The following MAGI2 variants were observed in gnomAD, a reference collection of about 807,000 sequenced individuals.
MAGI2 encodes membrane-associated guanylate kinase, WW and PDZ domain-containing protein 2.
Under a neutral mutation model 133.3 loss-of-function variants are expected in MAGI2, and 35 were observed. That is an observed-to-expected ratio of 0.26 (90% CI 0.20 to 0.35). The LOEUF is 0.35. Ranked by LOEUF, MAGI2 falls within the 10% of genes least tolerant of loss-of-function variation. The probability of loss-of-function intolerance (pLI) is 1.00; values close to 1 mark genes in which losing one functional copy is unlikely to be tolerated. For synonymous variants in MAGI2, 729 were observed against 710.6 expected (o/e 1.03, Z -0.41); for missense variants, 1,636 against 1,863.4 (o/e 0.88, Z 2.25).
intron 1 of MAGI2, among the ~76,000 whole-genome samples, chr7:79,349,944 A>G (rs1841582948): frequency 6.6e-6 from 1 of 152,092 alleles, no homozygotes; most frequent in Non-Finnish European, 1.5e-5. Context: ...TAAACTAAAG[A>G]TGCACAGTCT....
Position 78,060,244 on chromosome 7 carries a change from AC to A in MAGI2, c.3706+18702del, listed in dbSNP as rs546547396. On this transcript the variant is annotated intron_variant, in intron 21 of 21. Transcript: ENST00000354212. ...GGAAATTATTTAAAAAACAAAAGGG[AC>A]CCCCCCCCCTCTTTAGATTAGATTG... is the stretch of plus-strand genomic sequence containing the variant. 5.4e-3 allele frequency among the ~76,000 whole-genome samples: 546 copies of A among 101,766 alleles called. 8 individuals carry two copies. The highest frequency in any genetic ancestry group is 0.017 in the South Asian group (49 of 2,854). The allele number at this position is 101,766 out of a possible 152,430, so 66.8% of individuals were successfully genotyped here. A position where few individuals can be genotyped will look rare whatever the true frequency, so the allele number is the denominator to read the frequency against.
chr7:78,121,512 T>C (rs1820477125), intron 20 of MAGI2, among the ~76,000 whole-genome samples: 1 of 152,232 alleles, frequency 6.6e-6, no homozygotes, highest in Admixed American at 6.5e-5. Context: ...TATGAATTTG[T>C]AATCAAGAAA....
rs893174591 is a variant in MAGI2, at chr7:78,721,535, G to C, written c.419-94296C>G. On this transcript the variant is annotated intron_variant, in intron 2 of 21. Coordinates refer to ENST00000354212, the MANE Select transcript of MAGI2 (RefSeq NM_012301.4). ...CAGAGGCAGGTCCCGGGTAGATGCAGAATTTTGAAAGGAACATATTGAAAT... is the reference window on the plus strand; with the variant it reads ...CAGAGGCAGGTCCCGGGTAGATGCACAATTTTGAAAGGAACATATTGAAAT... Among the ~76,000 whole-genome samples, 6 of 152,114 alleles carry C rather than the reference G, an allele frequency of 3.9e-5. No homozygotes were observed. In the South Asian group the frequency reaches 8.3e-4, roughly 21 times the overall value.
chr7:78,262,216 A>G (rs80167938), intron 9 of MAGI2, among the ~76,000 whole-genome samples: 2,463 of 152,288 alleles, frequency 0.016, 77 homozygotes, highest in African/African-American at 0.056. Context: ...ATGTATTAAT[A>G]GAAATGCAAA....
At chr7:78,752,918 G>T (rs1823588548) in intron 2 of MAGI2, among the ~76,000 whole-genome samples, 1 of 152,174 alleles carries the variant, frequency 6.6e-6, no homozygotes, top group African/African-American at 2.4e-5. Flanking sequence ...AGTTAAAAAG[G>T]CTCAAATATT....
intron 1 of MAGI2, among the ~76,000 whole-genome samples, chr7:79,028,556 C>T (rs980067440): frequency 1.2e-4 from 18 of 151,818 alleles, no homozygotes; most frequent in African/African-American, 4.3e-4. Flanking sequence ...TTATACAGAA[C>T]GTTACTATCT....
chr7:78,134,856 G>C, intron 17 of MAGI2, 165 bp downstream of exon 17: 1 of 602,420 alleles, frequency 1.7e-6, no homozygotes, highest in Non-Finnish European at 2.9e-6. Flanking sequence ...TTGCAACTGA[G>C]TGTGAGTTTT....
At chr7:78,802,928 TAA>T (rs34471936) in intron 2 of MAGI2, among the ~76,000 whole-genome samples, 123 of 144,464 alleles carry the variant, frequency 8.5e-4, no homozygotes, top group African/African-American at 2.4e-3. Context: ...TAAAATCTAT[TAA>T]AAAAAAAAAA....
At chr7:78,952,173 G>A (rs1801923860) in intron 2 of MAGI2, among the ~76,000 whole-genome samples, 1 of 152,066 alleles carries the variant, frequency 6.6e-6, no homozygotes, top group African/African-American at 2.4e-5. Flanking sequence ...AAAAAATTAG[G>A]GGAGCTGGTT....
At chr7:78,180,075 C>T (rs1827050481) in intron 13 of MAGI2, among the ~76,000 whole-genome samples, 1 of 152,176 alleles carries the variant, frequency 6.6e-6, no homozygotes, top group South Asian at 2.1e-4. Context: ...TACAACTGCT[C>T]ATGGCAATCT....
chr7:78,937,575 A>G (rs1800612984), intron 2 of MAGI2, among the ~76,000 whole-genome samples: 1 of 152,198 alleles, frequency 6.6e-6, no homozygotes, highest in Non-Finnish European at 1.5e-5. Flanking sequence ...ACATAACATT[A>G]ACCAAATGAT....
At chr7:78,314,339 T>C (rs1256404414) in intron 9 of MAGI2, among the ~76,000 whole-genome samples, 1 of 152,166 alleles carries the variant, frequency 6.6e-6, no homozygotes, top group Non-Finnish European at 1.5e-5. Context: ...AATGATGCCT[T>C]ACAGCTCTCT....
chr7:78,533,836 A>G (rs754278160), intron 3 of MAGI2, among the ~76,000 whole-genome samples: 1 of 152,202 alleles, frequency 6.6e-6, no homozygotes, highest in Non-Finnish European at 1.5e-5. Context: ...CATAACTAAT[A>G]AGAGTGAGTG....
chr7:78,395,154 A>G (rs185323309), intron 6 of MAGI2, among the ~76,000 whole-genome samples: 5 of 152,314 alleles, frequency 3.3e-5, no homozygotes, highest in Admixed American at 3.3e-4. Context: ...AGAGTTTCAT[A>G]GATAGGGTCC....
intron 21 of MAGI2, among the ~76,000 whole-genome samples, chr7:78,057,918 CA>C (rs1369447909): frequency 1.3e-4 from 19 of 143,380 alleles, no homozygotes; most frequent in Non-Finnish European, 2.6e-4. Context: ...GCCAACTGAA[CA>C]GATGTATTTT....
At chr7:78,966,752 GT>G (rs1379820309) in intron 2 of MAGI2, among the ~76,000 whole-genome samples, 3 of 150,614 alleles carry the variant, frequency 2.0e-5, no homozygotes, top group South Asian at 2.1e-4. Context: ...CCTCCATAAT[GT>G]TTTCCACAGG....
intron 1 of MAGI2, among the ~76,000 whole-genome samples, chr7:79,075,172 A>G (rs1297310493): frequency 6.6e-6 from 1 of 152,178 alleles, no homozygotes; most frequent in Non-Finnish European, 1.5e-5. Flanking sequence ...CTTTTTCAGA[A>G]GCCACTCAGA....
chr7:79,288,134 A>G (rs1836166095), intron 1 of MAGI2, among the ~76,000 whole-genome samples: 1 of 152,172 alleles, frequency 6.6e-6, no homozygotes, highest in African/African-American at 2.4e-5. Flanking sequence ...CTCACCACTA[A>G]GAGCACAGAC....
intron 1 of MAGI2, among the ~76,000 whole-genome samples, chr7:79,448,485 C>T (rs1031918822): frequency 1.9e-4 from 29 of 152,030 alleles, no homozygotes; most frequent in Non-Finnish European, 3.4e-4. Context: ...TTATCACCTG[C>T]CAGACACTAC....
Sources: allele counts gnomAD v4.1 joint callset (sites outside exome capture counted in the v4.1 genomes callset), GRCh38; gene constraint gnomAD v4.1.1; transcripts MANE v1.5; gene names NCBI Gene and HGNC (gene_info 2026-07-23, HGNC 2026-07-21).